Variants in NRXN1 observed in about 807,000 individuals in gnomAD.
NRXN1 encodes the protein neurexin 1, also known as neurexin-1.
Under a neutral mutation model 150.9 loss-of-function variants are expected in NRXN1, and 39 were observed. That is an observed-to-expected ratio of 0.26 (90% CI 0.20 to 0.34). The LOEUF (loss-of-function observed/expected upper bound fraction) is 0.34, where lower values mean the gene tolerates loss of function less well. Among genes scored for constraint, NRXN1 ranks in the 10% least tolerant of loss-of-function variants. NRXN1 has a pLI of 1.00. For missense variants in NRXN1, 1,815 were observed against 1,949.9 expected (o/e 0.93, Z 1.30); for synonymous variants, 924 against 757.0 (o/e 1.22, Z -3.62).
chr2:50,998,664 T>C (rs1181158451), intron 2 of NRXN1, among the ~76,000 whole-genome samples: 1 of 152,034 alleles, frequency 6.6e-6, no homozygotes, highest in East Asian at 1.9e-4. Flanking sequence ...AAACTATTAA[T>C]GTTAGGATTA....
chr2:50,249,076 G>C (rs1227404615), intron 17 of NRXN1, among the ~76,000 whole-genome samples: 1 of 148,192 alleles, frequency 6.7e-6, no homozygotes, highest in Non-Finnish European at 1.5e-5. Flanking sequence ...AGGATCACTT[G>C]AGCCCAGGAG....
At chr2:50,841,724 T>C (rs1033470764) in intron 5 of NRXN1, among the ~76,000 whole-genome samples, 1 of 152,188 alleles carries the variant, frequency 6.6e-6, no homozygotes, top group Non-Finnish European at 1.5e-5. Context: ...GGAAAAAAAA[T>C]TGTAATTTTT....
chr2:50,657,674 T>TA (rs1217268502), intron 5 of NRXN1, among the ~76,000 whole-genome samples: 2 of 151,916 alleles, frequency 1.3e-5, no homozygotes, highest in East Asian at 3.9e-4. Context: ...GATTGAAGAG[T>TA]AGACATGAGA....
At chr2:51,000,468 C>T (rs1699886187) in intron 2 of NRXN1, among the ~76,000 whole-genome samples, 1 of 151,768 alleles carries the variant, frequency 6.6e-6, no homozygotes, top group Admixed American at 6.6e-5. Flanking sequence ...TAGCAAAATC[C>T]AAGAACACAT....
chr2:49,970,473 A>C (rs1233938064), intron 21 of NRXN1: 8 of 152,080 alleles, frequency 5.3e-5, no homozygotes, highest in Non-Finnish European at 8.8e-5. Flanking sequence ...CCCTAGATAT[A>C]TCCATGAATG....
At chr2:50,924,646 T>A (rs1686591476) in intron 3 of NRXN1, among the ~76,000 whole-genome samples, 1 of 151,752 alleles carries the variant, frequency 6.6e-6, no homozygotes, top group South Asian at 2.1e-4. Context: ...TATACTCACA[T>A]GCAATTAAAA....
intron 5 of NRXN1, chr2:50,829,430 C>G: frequency 6.7e-7 from 1 of 1,485,934 alleles, no homozygotes; most frequent in East Asian, 2.3e-5. Context: ...GCCCGGCTAA[C>G]TCAGGATTTT....
intron 17 of NRXN1, among the ~76,000 whole-genome samples, chr2:50,381,021 T>G (rs1210362452): frequency 6.6e-6 from 1 of 152,154 alleles, no homozygotes; most frequent in Admixed American, 6.6e-5. Flanking sequence ...TATTTGTCTC[T>G]ATTTAACCCA....
At chr2:50,168,946 G>C (rs1029802030) in intron 18 of NRXN1, among the ~76,000 whole-genome samples, 2 of 152,158 alleles carry the variant, frequency 1.3e-5, no homozygotes, top group African/African-American at 2.4e-5. Context: ...AAGGCATTCA[G>C]TTAAAAGTAG....
intron 17 of NRXN1, among the ~76,000 whole-genome samples, chr2:50,450,873 C>T (rs192862223): frequency 1.3e-5 from 2 of 152,264 alleles, no homozygotes; most frequent in East Asian, 3.9e-4. Flanking sequence ...GGAGAGATAA[C>T]CTCATGAAAA....
At chr2:50,015,445 A>C (rs1463788428) in intron 21 of NRXN1, among the ~76,000 whole-genome samples, 3 of 148,540 alleles carry the variant, frequency 2.0e-5, no homozygotes, top group African/African-American at 7.4e-5. Context: ...GGAAGAAATG[A>C]GAATAACATA....
At chr2:50,175,300 A>G (rs973372073) in intron 18 of NRXN1, 3 of 152,204 alleles carry the variant, frequency 2.0e-5, no homozygotes, top group African/African-American at 7.2e-5. Flanking sequence ...GTAACAACTG[A>G]TACATCTGCA....
At chr2:50,252,233 C>CTTTT (rs55993018) in intron 17 of NRXN1, among the ~76,000 whole-genome samples, 79 of 94,846 alleles carry the variant, frequency 8.3e-4, no homozygotes, top group East Asian at 2.3e-3. Flanking sequence ...ACATTTTGTC[C>CTTTT]TTTTTTTTTT....
intron 17 of NRXN1, chr2:50,463,971 T>C (rs1294668861): frequency 1.3e-5 from 2 of 151,672 alleles, no homozygotes; most frequent in African/African-American, 4.8e-5. Context: ...AAAATAAATT[T>C]ACGCCATTTT....
intron 5 of NRXN1, among the ~76,000 whole-genome samples, chr2:50,857,405 G>A (rs1675431249): frequency 6.6e-6 from 1 of 152,032 alleles, no homozygotes; most frequent in African/African-American, 2.4e-5. Flanking sequence ...TTATGTGGTT[G>A]ATTTGAGGTG....
rs941148902 is a variant in NRXN1, at chr2:50,347,251, G to A, written c.3365-110281C>T. 3 of 1,322,190 alleles carry A rather than the reference G, an allele frequency of 2.3e-6. No individual in the cohort carries two copies. The highest frequency in any genetic ancestry group is 3.0e-5 in the African/African-American group (2 of 66,794). The allele number at this position is 1,322,190 out of a possible 1,614,324, so 81.9% of individuals were successfully genotyped here. A position where few individuals can be genotyped will look rare whatever the true frequency, so the allele number is the denominator to read the frequency against. On this transcript the variant is annotated intron_variant, in intron 17 of 22. Transcript: ENST00000401669. This position sits in a 1 kb window ranked among gnomAD's most constrained non-coding sequence, Gnocchi z 4.9. Reference sequence around the variant, plus strand: ...CGGGTGGCTGCTCCCAGATTTCCAGGGCTCCAGGTTCTCGAGAGATACTCC... The same window carrying A: ...CGGGTGGCTGCTCCCAGATTTCCAGAGCTCCAGGTTCTCGAGAGATACTCC...
intron 18 of NRXN1, among the ~76,000 whole-genome samples, chr2:50,113,251 C>T (rs75715693): frequency 6.6e-6 from 1 of 152,190 alleles, no homozygotes; most frequent in Non-Finnish European, 1.5e-5. Context: ...ATTTCTTCCT[C>T]TCCTGATTTT....
chr2:50,917,432 G>A (rs1023278198), intron 5 of NRXN1: 5 of 151,638 alleles, frequency 3.3e-5, no homozygotes, highest in African/African-American at 7.3e-5. Context: ...AGACAAATTC[G>A]CTATATAGCA....
chr2:50,089,346 C>T (rs932925001), intron 19 of NRXN1, among the ~76,000 whole-genome samples: 1 of 152,178 alleles, frequency 6.6e-6, no homozygotes, highest in Non-Finnish European at 1.5e-5. Flanking sequence ...ATGAGCAAAG[C>T]CTAGACCTTA....
Sources: allele counts gnomAD v4.1 joint callset (sites outside exome capture counted in the v4.1 genomes callset), GRCh38; gene constraint gnomAD v4.1.1; non-coding constraint Gnocchi (gnomAD v3.1); transcripts MANE v1.5; gene names NCBI Gene and HGNC (gene_info 2026-07-23, HGNC 2026-07-21).